ZZZ3: variants seen among roughly 807,000 people sequenced by gnomAD.
ZZZ3 encodes zinc finger ZZ-type containing 3.
In ZZZ3, 22 loss-of-function variants were observed where a neutral mutation model predicts 95.2. The ratio of observed to expected loss-of-function variants is 0.23; its 90% CI spans 0.17 to 0.33. The LOEUF (loss-of-function observed/expected upper bound fraction) is 0.33. ZZZ3 is among the 10% of genes least tolerant of loss of function. The pLI, the probability that ZZZ3 is intolerant of heterozygous loss-of-function variation, is 1.00. For synonymous variants in ZZZ3, 335 were observed against 358.9 expected, an observed-to-expected ratio of 0.93 and a Z score of 0.75; for missense variants, 885 against 1,066.5, an observed-to-expected ratio of 0.83 and a Z score of 2.37.
chr1:77,676,219 T>G (rs935083248), intron 1 of ZZZ3, among the ~76,000 whole-genome samples: 2 of 152,008 alleles, frequency 1.3e-5, no homozygotes, highest in African/African-American at 4.8e-5. Flanking sequence ...CAGGCTGGAG[T>G]GTAGGGGCGC....
intron 5 of ZZZ3, among the ~76,000 whole-genome samples, chr1:77,610,779 A>C (rs574554118): frequency 1.3e-5 from 2 of 151,638 alleles, no homozygotes; most frequent in Non-Finnish European, 2.9e-5. Flanking sequence ...AAAAAAAAAA[A>C]CTCTCAACAA....
chr1:77,660,425 G>C (rs1256736129), intron 1 of ZZZ3, among the ~76,000 whole-genome samples: 1 of 152,072 alleles, frequency 6.6e-6, no homozygotes, highest in Non-Finnish European at 1.5e-5. Flanking sequence ...TCTACTTTCT[G>C]TTTCTATGAT....
intron 5 of ZZZ3, among the ~76,000 whole-genome samples, chr1:77,613,210 G>A (rs1350357135): frequency 6.6e-6 from 1 of 151,902 alleles, no homozygotes; most frequent in African/African-American, 2.4e-5. Context: ...TCTTTAGTAT[G>A]AACCACAGAA....
chr1:77,651,846 T>C (rs1401714356), intron 1 of ZZZ3, among the ~76,000 whole-genome samples: 1 of 151,954 alleles, frequency 6.6e-6, no homozygotes, highest in Non-Finnish European at 1.5e-5. Context: ...TGAAACCCCG[T>C]CTCTACTAAA....
intron 5 of ZZZ3, among the ~76,000 whole-genome samples, chr1:77,602,463 G>A (rs532648147): frequency 2.6e-5 from 4 of 152,228 alleles, no homozygotes; most frequent in African/African-American, 9.6e-5. Flanking sequence ...TTGACCACAG[G>A]TAATTACTCT....
At chr1:77,624,189 G>A (rs1028192872) in intron 5 of ZZZ3, among the ~76,000 whole-genome samples, 1 of 152,140 alleles carries the variant, frequency 6.6e-6, no homozygotes, top group Non-Finnish European at 1.5e-5. Context: ...CTAATAGTTG[G>A]TCTTTGATCC....
intron 5 of ZZZ3, among the ~76,000 whole-genome samples, chr1:77,600,086 T>A (rs17100789): frequency 1.3e-5 from 2 of 151,798 alleles, no homozygotes; most frequent in African/African-American, 4.8e-5. Flanking sequence ...GTAGACTACA[T>A]CCACATTAGA....
intron 12 of ZZZ3, among the ~76,000 whole-genome samples, chr1:77,569,945 C>T (rs1363826652): frequency 2.0e-5 from 3 of 152,178 alleles, no homozygotes; most frequent in South Asian, 2.1e-4. Flanking sequence ...TTCTCTGATC[C>T]ATGCTCTGTA....
chr1:77,646,688 A>G (rs1319985803), intron 1 of ZZZ3, among the ~76,000 whole-genome samples: 1 of 152,230 alleles, frequency 6.6e-6, no homozygotes, highest in Non-Finnish European at 1.5e-5. Context: ...GACCAAAAAA[A>G]GTATGAAAAT....
intron 5 of ZZZ3, among the ~76,000 whole-genome samples, chr1:77,608,348 A>C (rs1258675673): frequency 6.6e-6 from 1 of 152,246 alleles, no homozygotes; most frequent in Admixed American, 6.5e-5. Flanking sequence ...AGAGAGTGGC[A>C]TGACAAACTT....
chr1:77,567,369 G>T (rs1477493865), intron 13 of ZZZ3, among the ~76,000 whole-genome samples: 1 of 152,122 alleles, frequency 6.6e-6, no homozygotes, highest in Non-Finnish European at 1.5e-5. Context: ...TCCATACTAT[G>T]GCCAAAATGA....
At position 77,568,471 on chromosome 1, in the gene ZZZ3, CAAAAAAA is replaced by C. The variant is rs10581619; in HGVS notation, c.2332-12_2332-6del. 376 of 592,710 alleles carry C rather than the reference CAAAAAAA, an allele frequency of 6.3e-4. 2 individuals are homozygous for C. Among genetic ancestry groups the C allele is most frequent in the African/African-American group, 3.5e-3 (133 of 37,734 alleles). The allele number at this position is 592,710 out of a possible 1,614,324, so 36.7% of individuals were successfully genotyped here. On this transcript the variant is annotated splice_region_variant and splice_polypyrimidine_tract_variant and intron_variant, in intron 12 of 14. Coordinates refer to ENST00000370801, the MANE Select transcript of ZZZ3 (RefSeq NM_015534.6). ...GATAGGAATACTTTCGTCATCCTAT[CAAAAAAA>C]AAAAAAAAAAAAAATGTTGGTTTGG... is the stretch of plus-strand genomic sequence containing the variant.
intron 11 of ZZZ3, among the ~76,000 whole-genome samples, chr1:77,577,903 G>T (rs541750271): frequency 2.2e-4 from 33 of 152,248 alleles, no homozygotes; most frequent in African/African-American, 7.9e-4. Flanking sequence ...ACAGGCGTGA[G>T]CCACCGTGCC....
At position 77,582,011 on chromosome 1, in the gene ZZZ3, T is replaced by C. The variant is rs373366997; in HGVS notation, c.1760A>G (p.His587Arg). The change falls in exon 7 of 15, where the codon CAT becomes CGT. Residue 587 changes from histidine (H) to arginine (R), a missense_variant. Physicochemically the swap from His to Arg is conservative, Grantham distance 29. This residue lies in a region of ZZZ3 where 99 missense variants were observed against 119.8 expected (regional missense o/e 0.83). Coordinates refer to ENST00000370801, the MANE Select transcript of ZZZ3 (RefSeq NM_015534.6). ...AAAAACTAGCTTAACTCTTCTAGTA[T>C]GTCTTTTACGATTTTTAAATTCTCT... The part of the protein sequence containing the change: ...FEREFKNRKR[H>R]TRRVKLVFDK... The C allele has an allele frequency of 4.4e-6, 7 of 1,608,816 alleles. No homozygotes were observed. The highest frequency in any genetic ancestry group is 1.1e-5 in the South Asian group (1 of 90,660).
intron 1 of ZZZ3, among the ~76,000 whole-genome samples, chr1:77,680,998 A>C (rs186012509): frequency 6.7e-4 from 102 of 152,358 alleles, no homozygotes; most frequent in African/African-American, 2.3e-3. Flanking sequence ...ATCAGTACAA[A>C]CAAAAAAAAT....
intron 1 of ZZZ3, among the ~76,000 whole-genome samples, chr1:77,644,524 C>T (rs1026675146): frequency 6.6e-6 from 1 of 152,134 alleles, no homozygotes; most frequent in African/African-American, 2.4e-5. Context: ...CAAAGATAAG[C>T]CTATTTCACA....
intron 13 of ZZZ3, among the ~76,000 whole-genome samples, chr1:77,567,217 G>A (rs1660912338): frequency 1.3e-5 from 2 of 152,108 alleles, no homozygotes; most frequent in African/African-American, 4.8e-5. Flanking sequence ...CAATTCTAAT[G>A]CCTAAAGGCT....
intron 5 of ZZZ3, among the ~76,000 whole-genome samples, chr1:77,600,120 A>G (rs1174644044): frequency 2.3e-5 from 2 of 88,260 alleles, no homozygotes; most frequent in Non-Finnish European, 5.7e-5. Flanking sequence ...ATATGTCCCT[A>G]TAAGACTTAA....
chr1:77,585,470 T>C (rs575129968), intron 5 of ZZZ3, among the ~76,000 whole-genome samples: 6 of 152,184 alleles, frequency 3.9e-5, no homozygotes, highest in African/African-American at 7.2e-5. Context: ...GAGAAATACA[T>C]TAAACCCAAA....
Sources: gnomAD v4.1 joint callset for allele counts (sites outside exome capture counted in the v4.1 genomes callset) on GRCh38, gnomAD v4.1.1 for gene constraint, gnomAD v4.1.1 regional missense constraint, MANE v1.5 for transcripts, NCBI Gene and HGNC (gene_info 2026-07-23, HGNC 2026-07-21) for gene names.